ZNF500: variants seen among roughly 807,000 people sequenced by gnomAD.
ZNF500 encodes the protein zinc finger protein 500, also known as zinc finger protein with KRAB and SCAN domains 18.
A neutral mutation model predicts 30.1 loss-of-function variants in ZNF500; 31 were observed. That is an observed-to-expected ratio of 1.03 (90% CI 0.77 to 1.39). The LOEUF (loss-of-function observed/expected upper bound fraction) is 1.39, where lower values mean the gene tolerates loss of function less well. ZNF500 is among the 40% of genes most tolerant of loss of function. ZNF500 has a pLI of 0.00. For missense variants in ZNF500, 817 were observed against 657.8 expected (o/e 1.24, Z -2.65); for synonymous variants, 392 against 282.0 (o/e 1.39, Z -3.91).
intron 1 of ZNF500, chr16:4,766,791 G>T (rs1183577444): frequency 6.6e-6 from 1 of 152,230 alleles, no homozygotes. Context: ...GAACCCTGAA[G>T]CCCCTACGCG....
chr16:4,762,887 C>T (rs1408588713), intron 2 of ZNF500, 131 bp from the exon 3 acceptor site: 33 of 1,422,860 alleles, frequency 2.3e-5, no homozygotes, highest in Non-Finnish European at 2.9e-5. Flanking sequence ...AGCCTCCCTC[C>T]CTCTGCCCAG....
At chr16:4,760,460 C>T in intron 5 of ZNF500, 32 bp downstream of exon 5, 1 of 1,598,790 alleles carries the variant, frequency 6.3e-7, no homozygotes, top group South Asian at 1.1e-5. Flanking sequence ...TTTTGGCAAG[C>T]CCCCTAGAGG....
intron 5 of ZNF500, among the ~76,000 whole-genome samples, chr16:4,755,323 T>G (rs2082125104): frequency 6.6e-6 from 1 of 152,104 alleles, no homozygotes; most frequent in East Asian, 1.9e-4. Context: ...ACTTATTTAT[T>G]TATTTATTTT....
In ZNF500 at chr16:4,751,243, C is replaced by T; in HGVS notation, c.*1133G>A. On this transcript the variant is annotated 3_prime_UTR_variant, in exon 6 of 6. Transcript: ENST00000219478. The stretch of plus-strand genomic sequence containing the variant: ...TCACCCACCGTGGATGTGCACAGAC[C>T]AGTGGCTCCCACGCAGCACAGGCCA... The T allele has an allele frequency of 3.7e-6, 1 of 272,626 alleles. No homozygotes were observed. 16.9% of individuals were successfully genotyped at this position (272,626 alleles called of 1,614,324 possible).
Position 4,762,621 on chromosome 16 carries a change from G to A in ZNF500, c.550C>T (p.Gln184Ter), listed in dbSNP as rs768800624. 19 of 1,613,978 alleles carry A rather than the reference G, an allele frequency of 1.2e-5. No homozygotes were observed. Among genetic ancestry groups the A allele is most frequent in the Non-Finnish European group, 1.4e-5 (16 of 1,180,002 alleles). ...ARFSSQQPPA[Q>*]LSHRPQRGPL... ...CCCCTCTGTGGCCTGTGGCTCAGCT[G>A]GGCTGGGGGCTGCTGGCTGGAGAAT... Residue 184 changes from glutamine (Q) to a stop codon, truncating the protein, a stop_gained, in exon 3 of 6, where the codon CAG becomes TAG. Coordinates refer to ENST00000219478, the MANE Select transcript of ZNF500 (RefSeq NM_021646.4). LOFTEE classifies it high-confidence loss of function.
downstream of ZNF500, chr16:4,746,915 CT>C (rs2142214591): frequency 6.5e-7 from 1 of 1,541,760 alleles, no homozygotes; most frequent in East Asian, 2.5e-5. Context: ...AAACCCATTT[CT>C]CTCCCTGCAG....
At chr16:4,763,204 C>G in intron 2 of ZNF500, 2 of 776,388 alleles carry the variant, frequency 2.6e-6, no homozygotes, top group Non-Finnish European at 3.1e-6. Flanking sequence ...TCGAGACCAG[C>G]CTAACCAACA....
At chr16:4,744,667 A>G (rs1365091121), downstream of ZNF500, among the ~76,000 whole-genome samples, 2 of 152,156 alleles carry the variant, frequency 1.3e-5, no homozygotes, top group Admixed American at 6.5e-5. Flanking sequence ...GGCCCTGCTC[A>G]TAAAGATTCT....
intron 2 of ZNF500, chr16:4,763,542 T>A: frequency 1.0e-6 from 1 of 985,186 alleles, no homozygotes; most frequent in Non-Finnish European, 1.2e-6. Context: ...ACAAGAGACA[T>A]CCCTAGGCAA....
At chr16:4,757,086 A>AGATG (rs2141838878) in intron 5 of ZNF500, among the ~76,000 whole-genome samples, 1 of 152,344 alleles carries the variant, frequency 6.6e-6, no homozygotes, top group African/African-American at 2.4e-5. Context: ...TTTTGGAACT[A>AGATG]GATGAAGGTG....
downstream of ZNF500, chr16:4,747,518 C>A (rs192580420): frequency 1.2e-4 from 194 of 1,613,176 alleles, 1 homozygote; most frequent in Non-Finnish European, 8.5e-7. Flanking sequence ...TGCCAAGGGG[C>A]AGAGCGCCCA....
Position 4,765,824 on chromosome 16 carries a change from A to G in ZNF500, c.155T>C (p.Leu52Pro). The G allele has an allele frequency of 6.2e-7, 1 of 1,613,568 alleles. No homozygotes were observed. The highest frequency in any genetic ancestry group is 8.5e-7 in the Non-Finnish European group (1 of 1,179,970). Residue 52 changes from leucine to proline, a missense_variant, in exon 2 of 6, where the codon CTC becomes CCC. Transcript: ENST00000219478. ...EDPSPETFRQ[L>P]FRLFCYQEVA... is the part of the protein sequence containing the mutation. The stretch of plus-strand genomic sequence containing the variant: ...CTCCTGGTAGCAGAAGAGCCGGAAG[A>G]GCTGGCGGAAAGTCTCAGGGCTGGG...
chr16:4,745,049 T>C (rs374948547), downstream of ZNF500: 6 of 1,599,808 alleles, frequency 3.8e-6, no homozygotes, highest in African/African-American at 6.7e-5. Flanking sequence ...TGTGGTCCTT[T>C]AGAATGGCCC....
At chr16:4,765,434 T>C in intron 2 of ZNF500, 131 bp downstream of exon 2, 1 of 1,303,012 alleles carries the variant, frequency 7.7e-7, no homozygotes, top group Admixed American at 2.4e-5. Flanking sequence ...TCTTTTGCAG[T>C]TGCTTTCCTC....
At chr16:4,764,662 G>GTCCC (rs2082242926) in intron 2 of ZNF500, among the ~76,000 whole-genome samples, 1 of 151,474 alleles carries the variant, frequency 6.6e-6, no homozygotes, top group South Asian at 2.1e-4. Context: ...GGCGCCTGTA[G>GTCCC]TCCCAGCTGC....
intron 5 of ZNF500, among the ~76,000 whole-genome samples, chr16:4,759,772 C>G (rs1484705568): frequency 1.3e-5 from 2 of 152,080 alleles, no homozygotes; most frequent in East Asian, 1.9e-4. Context: ...CACGGTGGCT[C>G]ACACCTGTCA....
Position 4,751,754 on chromosome 16 carries a change from A to G in ZNF500, c.*622T>C, listed in dbSNP as rs1404595392. On this transcript the variant is annotated 3_prime_UTR_variant, in exon 6 of 6. Coordinates refer to ENST00000219478, the MANE Select transcript of ZNF500 (RefSeq NM_021646.4). ...AACCCAGTGAGTGGTGGCCCTACCA[A>G]AAAAGAGACTGGGCATGGCGGCACA... 1 of 1,021,152 alleles carries G rather than the reference A, an allele frequency of 9.8e-7. No homozygotes were observed. Among genetic ancestry groups the G allele is most frequent in the Non-Finnish European group, 1.5e-6 (1 of 683,686 alleles). 63.3% of individuals were successfully genotyped at this position (1,021,152 alleles called of 1,614,324 possible). A position where few individuals can be genotyped will look rare whatever the true frequency, so the allele number is the denominator to read the frequency against.
Position 4,765,931 on chromosome 16 carries a change from G to A in ZNF500, c.48C>T (p.Asp16=), listed in dbSNP as rs539374700. ...GLQPLPTLEQ[D]LEQEEILIVK... is the part of the protein sequence containing the mutation. ...CAATCAGGATCTCTTCCTGTTCCAG[G>A]TCCTGCTCCAAGGTTGGCAGGGGCT... Residue 16 remains aspartate (D), a synonymous_variant, in exon 2 of 6, where the codon GAC becomes GAT. Coordinates refer to ENST00000219478, the MANE Select transcript of ZNF500 (RefSeq NM_021646.4). 1 of 1,602,560 alleles carries A rather than the reference G, an allele frequency of 6.2e-7. No homozygotes were observed. The highest frequency in any genetic ancestry group is 1.3e-5 in the African/African-American group (1 of 74,644).
rs2082263052 is a variant in ZNF500, at chr16:4,766,111, C to T, written c.-98-35G>A. The T allele has an allele frequency of 3.6e-6, 4 of 1,125,510 alleles. No individual in the cohort carries two copies. The South Asian group carries it at 7.7e-5, about 22-fold the overall frequency. The allele number at this position is 1,125,510 out of a possible 1,614,324, so 69.7% of individuals were successfully genotyped here. On this transcript the variant is annotated intron_variant, in intron 1 of 5. Transcript: ENST00000219478. ...GACGATAAAACCATCTGAAGGGCAG[C>T]CCTGGGGCTGGATAAGCCCTTTGGC...
Sources: gnomAD v4.1 joint callset for allele counts (sites outside exome capture counted in the v4.1 genomes callset) on GRCh38, gnomAD v4.1.1 for gene constraint, MANE v1.5 for transcripts, NCBI Gene and HGNC (gene_info 2026-07-23, HGNC 2026-07-21) for gene names.